Variants in RAB3C observed in about 807,000 individuals in gnomAD.
The protein encoded by RAB3C is ras-related protein Rab-3C.
A neutral mutation model predicts 26.4 loss-of-function variants in RAB3C; 17 were observed. That is an observed-to-expected ratio of 0.64 (90% CI 0.44 to 0.97). The LOEUF (loss-of-function observed/expected upper bound fraction) is 0.97, where lower values mean the gene tolerates loss of function less well. RAB3C is among the 50% of genes least tolerant of loss of function. RAB3C has a pLI of 0.00. For missense variants in RAB3C, 242 were observed against 281.9 expected (o/e 0.86, Z 1.01); for synonymous variants, 91 against 95.9 (o/e 0.95, Z 0.30).
chr5:58,599,641 A>G (rs1020116347), intron 1 of RAB3C, among the ~76,000 whole-genome samples: 4 of 152,142 alleles, frequency 2.6e-5, no homozygotes, highest in Non-Finnish European at 4.4e-5. Context: ...GGCCTTTGAT[A>G]CTAGTAGGAA....
At chr5:58,795,134 A>C (rs1742614878) in intron 3 of RAB3C, among the ~76,000 whole-genome samples, 1 of 152,090 alleles carries the variant, frequency 6.6e-6, no homozygotes, top group South Asian at 2.1e-4. Flanking sequence ...ATGGTTTTGT[A>C]AAGGGGAGTT....
At chr5:58,837,525 C>T (rs949648876) in intron 4 of RAB3C, among the ~76,000 whole-genome samples, 6 of 143,350 alleles carry the variant, frequency 4.2e-5, no homozygotes, top group East Asian at 2.1e-4. Context: ...TTGGTCTGAT[C>T]GAGTTTTCTA....
chr5:58,658,307 G>A (rs189481991), intron 2 of RAB3C, among the ~76,000 whole-genome samples: 8 of 152,282 alleles, frequency 5.3e-5, no homozygotes, highest in Admixed American at 1.3e-4. Flanking sequence ...TCCTGCTTCC[G>A]TATTCACCAA....
chr5:58,760,877 C>T (rs779427163), intron 3 of RAB3C, among the ~76,000 whole-genome samples: 3 of 152,156 alleles, frequency 2.0e-5, no homozygotes, highest in Non-Finnish European at 2.9e-5. Context: ...AAATGATTAG[C>T]ACTGTAGGCA....
intron 2 of RAB3C, among the ~76,000 whole-genome samples, chr5:58,632,307 G>A (rs1455515058): frequency 2.0e-5 from 3 of 152,216 alleles, no homozygotes; most frequent in East Asian, 3.8e-4. Context: ...ACCTCAAAGT[G>A]TGGTCCCAGA....
rs1325958735 is a variant in RAB3C, at chr5:58,813,594, A to ATT, written c.372-11443_372-11442insTT. 8.9e-4 allele frequency among the ~76,000 whole-genome samples: 19 copies of ATT among 21,354 alleles called. 1 individual carries two copies. The highest frequency in any genetic ancestry group is 1.6e-3 in the African/African-American group (19 of 11,894). The allele number at this position is 21,354 out of a possible 152,430, so 14.0% of individuals were successfully genotyped here. A position where few individuals can be genotyped will look rare whatever the true frequency, so the allele number is the denominator to read the frequency against. On this transcript the variant is annotated intron_variant, in intron 3 of 4. Coordinates refer to ENST00000282878, the MANE Select transcript of RAB3C (RefSeq NM_138453.4). ...TTATGGTTAATTTATATTTATATTT[A>ATT]TATATATATATATATATATATATAT...
rs563086951 is a variant in RAB3C at position 58,813,189 on chromosome 5, G to GCACT, written c.372-11846_372-11843dup. 4.6e-5 allele frequency among the ~76,000 whole-genome samples: 7 copies of GCACT among 152,226 alleles called. No individual in the cohort carries two copies. In the East Asian group the frequency reaches 1.3e-3, roughly 29 times the overall value. On this transcript the variant is annotated intron_variant, in intron 3 of 4. Coordinates refer to ENST00000282878, the MANE Select transcript of RAB3C (RefSeq NM_138453.4). ...AATTAAATGAAATGATAAAGGTAAA[G>GCACT]CACTCAGCATAGGGCTGGCACAAAG...
At chr5:58,609,473 A>G (rs2111704047) in intron 1 of RAB3C, among the ~76,000 whole-genome samples, 1 of 151,930 alleles carries the variant, frequency 6.6e-6, no homozygotes, top group Non-Finnish European at 1.5e-5. Context: ...GGATAGTGCA[A>G]AGATTAGGTG....
chr5:58,787,057 A>G (rs1742407265), intron 3 of RAB3C, among the ~76,000 whole-genome samples: 1 of 152,136 alleles, frequency 6.6e-6, no homozygotes. Flanking sequence ...CTCAGATCTT[A>G]AAGGTGAAAT....
intron 2 of RAB3C, among the ~76,000 whole-genome samples, chr5:58,682,702 A>G (rs944073732): frequency 1.3e-5 from 2 of 152,046 alleles, no homozygotes; most frequent in African/African-American, 2.4e-5. Flanking sequence ...AAAAGAAAAA[A>G]AAAAAAAAAG....
chr5:58,625,774 T>A (rs1747038867), intron 2 of RAB3C, among the ~76,000 whole-genome samples: 1 of 151,788 alleles, frequency 6.6e-6, no homozygotes, highest in Admixed American at 6.6e-5. Flanking sequence ...GGAGAATCGC[T>A]TGAACCTGGG....
chr5:58,767,019 G>GC (rs949275647), intron 3 of RAB3C, among the ~76,000 whole-genome samples: 20 of 152,022 alleles, frequency 1.3e-4, no homozygotes, highest in South Asian at 2.1e-4. Context: ...ATAGCCAGCG[G>GC]GGGGGACTCA....
At chr5:58,708,065 AC>A (rs2111890738) in intron 2 of RAB3C, among the ~76,000 whole-genome samples, 1 of 148,996 alleles carries the variant, frequency 6.7e-6, no homozygotes, top group African/African-American at 2.5e-5. Flanking sequence ...ATCACAGCTC[AC>A]TGTAGCCTCA....
intron 3 of RAB3C, among the ~76,000 whole-genome samples, chr5:58,800,154 A>G (rs1742771311): frequency 6.6e-6 from 1 of 152,228 alleles, no homozygotes; most frequent in African/African-American, 2.4e-5. Context: ...GCTACCTAAT[A>G]CAATTCTTTG....
chr5:58,688,478 C>A (rs549763281), intron 2 of RAB3C, among the ~76,000 whole-genome samples: 1 of 152,204 alleles, frequency 6.6e-6, no homozygotes, highest in South Asian at 2.1e-4. Flanking sequence ...CTATTCAGGG[C>A]ATAGTCTATC....
intron 2 of RAB3C, among the ~76,000 whole-genome samples, chr5:58,709,318 C>T (rs975938729): frequency 1.3e-5 from 2 of 152,290 alleles, no homozygotes; most frequent in South Asian, 4.1e-4. Flanking sequence ...TAAAGTGGCC[C>T]TGGGTGCCCA....
At chr5:58,778,046 T>C (rs1561127211) in intron 3 of RAB3C, among the ~76,000 whole-genome samples, 3 of 152,154 alleles carry the variant, frequency 2.0e-5, no homozygotes, top group Admixed American at 2.0e-4. Flanking sequence ...CATTTGATGT[T>C]TGATGAATAC....
At chr5:58,788,356 C>A (rs390477) in intron 3 of RAB3C, 74,966 of 152,130 alleles carry the variant, frequency 0.49, 19,890 homozygotes, top group South Asian at 0.62. Flanking sequence ...CACCACCTTG[C>A]CCCCTACTCC....
intron 2 of RAB3C, among the ~76,000 whole-genome samples, chr5:58,661,625 T>C (rs1157361568): frequency 6.8e-6 from 1 of 146,952 alleles, no homozygotes; most frequent in Non-Finnish European, 1.5e-5. Context: ...TCTCAATTGA[T>C]GACCTGCCTG....
Sources: gnomAD v4.1 joint callset for allele counts (sites outside exome capture counted in the v4.1 genomes callset) on GRCh38, gnomAD v4.1.1 for gene constraint, MANE v1.5 for transcripts, NCBI Gene and HGNC (gene_info 2026-07-23, HGNC 2026-07-21) for gene names.